The following CRPPA variants were observed in gnomAD, a reference collection of about 807,000 sequenced individuals.
The protein encoded by CRPPA is D-ribitol-5-phosphate cytidylyltransferase.
CRPPA carries 43 observed loss-of-function variants against 52.0 expected under a neutral mutation model. The ratio of observed to expected loss-of-function variants is 0.83; its 90% CI spans 0.65 to 1.07. CRPPA has a LOEUF of 1.07. Among genes scored for constraint, CRPPA ranks in the 50% least tolerant of loss-of-function variants. The probability of loss-of-function intolerance (pLI) is 0.00; values close to 1 mark genes in which losing one functional copy is unlikely to be tolerated. For missense variants in CRPPA, 629 were observed against 551.7 expected (o/e 1.14, Z -1.40); for synonymous variants, 250 against 203.5 (o/e 1.23, Z -1.94).
At chr7:16,363,866 G>T (rs1022949566) in intron 3 of CRPPA, among the ~76,000 whole-genome samples, 1 of 152,130 alleles carries the variant, frequency 6.6e-6, no homozygotes, top group Admixed American at 6.5e-5. Flanking sequence ...CAATAAATTT[G>T]CCTGCTATAA....
At chr7:16,172,831 A>G (rs1258293312) in intron 9 of CRPPA, among the ~76,000 whole-genome samples, 2 of 152,196 alleles carry the variant, frequency 1.3e-5, no homozygotes, top group Non-Finnish European at 2.9e-5. Flanking sequence ...TTAAGTATCA[A>G]GAAGCCATCA....
At chr7:16,284,820 G>A (rs938723868) in intron 5 of CRPPA, among the ~76,000 whole-genome samples, 5 of 151,954 alleles carry the variant, frequency 3.3e-5, no homozygotes, top group Non-Finnish European at 7.4e-5. Flanking sequence ...ATTGTGGATG[G>A]CAATTAAGAT....
chr7:16,204,584 C>A (rs939222879), intron 9 of CRPPA, among the ~76,000 whole-genome samples: 1 of 152,048 alleles, frequency 6.6e-6, no homozygotes, highest in Non-Finnish European at 1.5e-5. Context: ...ACAACATACG[C>A]ATGTAACAAA....
In CRPPA at chr7:16,202,337, G is replaced by T. The variant is rs1360653087; in HGVS notation, c.1251+13729C>A. Reference sequence around the variant, plus strand: ...CACTTTCAGGAATACACTATCTATAGTATAAACAGAAACCAATAGAGTAGT... The same window carrying T: ...CACTTTCAGGAATACACTATCTATATTATAAACAGAAACCAATAGAGTAGT... On this transcript the variant is annotated intron_variant, in intron 9 of 9. Coordinates refer to ENST00000407010, the MANE Select transcript of CRPPA (RefSeq NM_001101426.4). 2.6e-5 allele frequency among the ~76,000 whole-genome samples: 4 copies of T among 152,040 alleles called. No homozygotes were observed. In the East Asian group the frequency reaches 7.7e-4, roughly 29 times the overall value.
chr7:16,378,937 C>T (rs943613182), intron 2 of CRPPA, among the ~76,000 whole-genome samples: 43 of 152,198 alleles, frequency 2.8e-4, no homozygotes, highest in African/African-American at 9.6e-4. Context: ...TCATCTCCTT[C>T]ACCCACTTTT....
At chr7:16,187,591 T>C (rs931103839) in intron 9 of CRPPA, among the ~76,000 whole-genome samples, 1 of 152,204 alleles carries the variant, frequency 6.6e-6, no homozygotes, top group Non-Finnish European at 1.5e-5. Context: ...ACAAAGAGCA[T>C]GTATCGACAA....
chr7:16,311,597 T>C (rs1475141348), intron 3 of CRPPA, among the ~76,000 whole-genome samples: 4 of 152,136 alleles, frequency 2.6e-5, no homozygotes, highest in Non-Finnish European at 4.4e-5. Flanking sequence ...TTGGTTCCAG[T>C]TTTGGCAATT....
chr7:16,135,460 A>T (rs1782746665), intron 9 of CRPPA, among the ~76,000 whole-genome samples: 1 of 152,300 alleles, frequency 6.6e-6, no homozygotes, highest in East Asian at 1.9e-4. Flanking sequence ...GGCAGCAATT[A>T]GACCCAAAGA....
At chr7:16,141,813 A>G (rs1182826971) in intron 9 of CRPPA, among the ~76,000 whole-genome samples, 1 of 152,122 alleles carries the variant, frequency 6.6e-6, no homozygotes, top group African/African-American at 2.4e-5. Context: ...AAGAAAAGAG[A>G]AGTTTATTTT....
At chr7:16,383,491 C>T (rs1787171145) in intron 2 of CRPPA, among the ~76,000 whole-genome samples, 1 of 152,210 alleles carries the variant, frequency 6.6e-6, no homozygotes, top group Non-Finnish European at 1.5e-5. Context: ...AATACTCCAG[C>T]TGTGTGCTGG....
At chr7:16,408,773 T>C (rs527728526) in intron 1 of CRPPA, among the ~76,000 whole-genome samples, 1 of 152,290 alleles carries the variant, frequency 6.6e-6, no homozygotes, top group South Asian at 2.1e-4. Context: ...ATTATCTAGG[T>C]GGATCCAACG....
chr7:16,106,265 G>T (rs1349666400), intron 9 of CRPPA, among the ~76,000 whole-genome samples: 1 of 152,210 alleles, frequency 6.6e-6, no homozygotes, highest in Non-Finnish European at 1.5e-5. Context: ...TTGACAAGTA[G>T]TCAATTGTCA....
At chr7:16,126,339 A>T (rs1173591207) in intron 9 of CRPPA, among the ~76,000 whole-genome samples, 1 of 152,188 alleles carries the variant, frequency 6.6e-6, no homozygotes, top group Non-Finnish European at 1.5e-5. Flanking sequence ...AGGAAAAAGG[A>T]TTCCCATATA....
chr7:16,281,326 T>C lies in CRPPA; in HGVS notation c.836-3100A>G, dbSNP rs184651611. Among the ~76,000 whole-genome samples, 944 of 152,294 alleles carry C rather than the reference T, an allele frequency of 6.2e-3. 44 individuals carry two copies. The highest frequency in any genetic ancestry group is 0.056 in the Admixed American group (855 of 15,296). ...TTGACACCACTTATAAATTGATTTT[T>C]AATTTCCTATTTGTTGTTATGTATA... On this transcript the variant is annotated intron_variant, in intron 5 of 9. Coordinates refer to ENST00000407010, the MANE Select transcript of CRPPA (RefSeq NM_001101426.4).
chr7:16,207,838 T>C (rs912159801), intron 9 of CRPPA, among the ~76,000 whole-genome samples: 1 of 152,216 alleles, frequency 6.6e-6, no homozygotes, highest in African/African-American at 2.4e-5. Context: ...TAAATAGTTA[T>C]AGGAAATCAG....
rs371739132 is a variant in CRPPA, at chr7:16,294,312, G to A, written c.835+7109C>T. On this transcript the variant is annotated intron_variant, in intron 5 of 9. Coordinates refer to ENST00000407010, the MANE Select transcript of CRPPA (RefSeq NM_001101426.4). ...TCTGATATCAAGTCTTATTTAACTA[G>A]TTGCTTAATACCTCAATGTGACCTT... Among the ~76,000 whole-genome samples, 10 of 151,718 alleles carry A rather than the reference G, an allele frequency of 6.6e-5. 1 individual carries two copies. In the East Asian group the frequency reaches 1.4e-3, roughly 21 times the overall value.
At chr7:16,158,253 A>G (rs1391218553) in intron 9 of CRPPA, among the ~76,000 whole-genome samples, 1 of 152,136 alleles carries the variant, frequency 6.6e-6, no homozygotes, top group East Asian at 1.9e-4. Context: ...GGCCTTCTCT[A>G]AAACATTTTT....
At chr7:16,112,930 T>C (rs1782296532) in intron 9 of CRPPA, among the ~76,000 whole-genome samples, 1 of 151,948 alleles carries the variant, frequency 6.6e-6, no homozygotes. Flanking sequence ...AATACATAAA[T>C]ACAGAAATGC....
At chr7:16,298,789 T>G (rs1356069083) in intron 5 of CRPPA, among the ~76,000 whole-genome samples, 2 of 152,178 alleles carry the variant, frequency 1.3e-5, no homozygotes, top group East Asian at 3.9e-4. Flanking sequence ...CTCACTGAAG[T>G]GTGGGAGCAT....
Sources: allele counts gnomAD v4.1 joint callset (sites outside exome capture counted in the v4.1 genomes callset), GRCh38; gene constraint gnomAD v4.1.1; transcripts MANE v1.5; gene names NCBI Gene and HGNC (gene_info 2026-07-23, HGNC 2026-07-21).